The following MYO16 variants were observed in gnomAD, a reference collection of about 807,000 sequenced individuals.
The protein encoded by MYO16 is myosin XVI.
A neutral mutation model predicts 205.3 loss-of-function variants in MYO16; 94 were observed. The observed-to-expected ratio is 0.46, with a 90% CI of 0.39 to 0.54. The LOEUF (loss-of-function observed/expected upper bound fraction) is 0.54. Among genes scored for constraint, MYO16 ranks in the 20% least tolerant of loss-of-function variants. The pLI, the probability that MYO16 is intolerant of heterozygous loss-of-function variation, is 0.00. For missense variants in MYO16, 2,315 were observed against 2,387.5 expected, an observed-to-expected ratio of 0.97 and a Z score of 0.63; for synonymous variants, 988 against 954.0, an observed-to-expected ratio of 1.04 and a Z score of -0.66.
At chr13:109,172,441 T>C (rs1410482234) in intron 33 of MYO16, among the ~76,000 whole-genome samples, 4 of 152,224 alleles carry the variant, frequency 2.6e-5, no homozygotes, top group East Asian at 3.8e-4. Flanking sequence ...TTGGATATTA[T>C]TTAATTACAT....
At chr13:108,864,322 A>C (rs933135649) in intron 11 of MYO16, among the ~76,000 whole-genome samples, 2 of 152,118 alleles carry the variant, frequency 1.3e-5, no homozygotes, top group Non-Finnish European at 2.9e-5. Flanking sequence ...TGCATCCCAC[A>C]AGTTATGATA....
chr13:108,665,359 G>A (rs576802616), intron 1 of MYO16, among the ~76,000 whole-genome samples: 3 of 152,122 alleles, frequency 2.0e-5, no homozygotes, highest in South Asian at 4.2e-4. Context: ...TGATCCTCCT[G>A]TCTCAGCCTC....
At position 109,207,123 on chromosome 13, in the gene MYO16, G is replaced by A. The variant is rs1031029009; in HGVS notation, c.*287G>A. ...GGTAGCAAGAGAGAGGCTGGGAAAAGTGTGGACGTGGCCAGAGCGAGAGAG... is the reference window on the plus strand; with the variant it reads ...GGTAGCAAGAGAGAGGCTGGGAAAAATGTGGACGTGGCCAGAGCGAGAGAG... On this transcript the variant is annotated 3_prime_UTR_variant, in exon 35 of 35. Coordinates refer to ENST00000457511, the MANE Select transcript of MYO16 (RefSeq NM_001198950.3). 1 of 391,488 alleles carries A rather than the reference G, an allele frequency of 2.6e-6. No homozygotes were observed. The highest frequency in any genetic ancestry group is 3.1e-5 in the South Asian group (1 of 31,898). The allele number at this position is 391,488 out of a possible 1,614,324, so 24.3% of individuals were successfully genotyped here.
At chr13:108,874,137 G>A (rs989488546) in intron 12 of MYO16, among the ~76,000 whole-genome samples, 6 of 151,988 alleles carry the variant, frequency 3.9e-5, no homozygotes, top group Non-Finnish European at 8.8e-5. Flanking sequence ...CAATTAAATA[G>A]CTGTATTGAG....
intron 4 of MYO16, among the ~76,000 whole-genome samples, chr13:108,757,143 G>C (rs959322444): frequency 7.2e-5 from 11 of 152,082 alleles, no homozygotes; most frequent in African/African-American, 2.2e-4. Context: ...GAGTGCAAAA[G>C]GCAAATTCTA....
the MYO16 span, among the ~76,000 whole-genome samples, chr13:108,541,675 A>G: frequency 6.6e-6 from 1 of 152,322 alleles, no homozygotes; most frequent in Non-Finnish European, 1.5e-5. Flanking sequence ...TTTATTCAAA[A>G]GAAGACCTAC....
the MYO16 span, among the ~76,000 whole-genome samples, chr13:108,504,725 G>A: frequency 0.13 from 19,204 of 151,194 alleles, 1,368 homozygotes; most frequent in East Asian, 0.23. Context: ...TAGTAGAGAC[G>A]GGGGTTTCAC....
intron 15 of MYO16, among the ~76,000 whole-genome samples, chr13:108,905,071 C>T (rs1469053667): frequency 6.6e-6 from 1 of 152,026 alleles, no homozygotes; most frequent in Non-Finnish European, 1.5e-5. Flanking sequence ...TTCTAATTTA[C>T]TCGCAAGTCA....
chr13:109,194,510 A>G (rs1423096352), intron 34 of MYO16, among the ~76,000 whole-genome samples: 1 of 152,186 alleles, frequency 6.6e-6, no homozygotes, highest in Non-Finnish European at 1.5e-5. Flanking sequence ...TATAAATGAT[A>G]TCATGAAGAT....
In MYO16 at chr13:108,954,140, T is replaced by A. The variant is rs554520887; in HGVS notation, c.1926-3548T>A. Among the ~76,000 whole-genome samples, 24 of 152,328 alleles carry A rather than the reference T, an allele frequency of 1.6e-4. No individual in the cohort carries two copies. The South Asian group carries it at 4.1e-3, about 26-fold the overall frequency. ...GTCATAGCTGCTGTAAATTCTAGGC[T>A]AAAAAGTAAAATAAAATGGAGGATG... On this transcript the variant is annotated intron_variant, in intron 16 of 34. Transcript: ENST00000457511.
intron 10 of MYO16, among the ~76,000 whole-genome samples, chr13:108,853,954 T>TTTGTGTG (rs1555305767): frequency 3.6e-5 from 5 of 138,500 alleles, no homozygotes; most frequent in Non-Finnish European, 7.7e-5. Flanking sequence ...GTTTCTATTA[T>TTTGTGTG]TGTGTGTGTG....
At chr13:109,173,812 T>C (rs1030663266) in intron 33 of MYO16, among the ~76,000 whole-genome samples, 5 of 129,964 alleles carry the variant, frequency 3.8e-5, no homozygotes, top group Non-Finnish European at 6.1e-5. Flanking sequence ...GGAGTGAACC[T>C]GGGAGGCAGA....
rs567673951 is a variant in MYO16 at position 109,172,495 on chromosome 13, T to C, written c.5324-7047T>C. 3.9e-5 allele frequency among the ~76,000 whole-genome samples: 6 copies of C among 152,350 alleles called. No individual in the cohort carries two copies. In the South Asian group the frequency reaches 1.2e-3, roughly 32 times the overall value. ...GAAGTCAGTATTGAAAAGGAATAGATTGAAATGCTCAGTCTGGTATTTCCT... is the reference window on the plus strand; with the variant it reads ...GAAGTCAGTATTGAAAAGGAATAGACTGAAATGCTCAGTCTGGTATTTCCT... On this transcript the variant is annotated intron_variant, in intron 33 of 34. Coordinates refer to ENST00000457511, the MANE Select transcript of MYO16 (RefSeq NM_001198950.3).
At chr13:108,974,839 C>G (rs529407802) in intron 20 of MYO16, among the ~76,000 whole-genome samples, 2 of 152,128 alleles carry the variant, frequency 1.3e-5, no homozygotes, top group East Asian at 3.9e-4. Flanking sequence ...GACAGTAAAC[C>G]AGAACTTTGT....
chr13:108,663,846 C>G (rs1373487743), intron 1 of MYO16, among the ~76,000 whole-genome samples: 1 of 152,004 alleles, frequency 6.6e-6, no homozygotes, highest in Admixed American at 6.6e-5. Context: ...TTTTTTGTGG[C>G]CCTGTTGATC....
chr13:108,609,170 T>C (rs1415515578), intron 1 of MYO16, among the ~76,000 whole-genome samples: 1 of 152,118 alleles, frequency 6.6e-6, no homozygotes, highest in East Asian at 1.9e-4. Flanking sequence ...CCTGGAAGTT[T>C]CCTCCTCATT....
chr13:109,031,624 T>A (rs1056284792), intron 23 of MYO16, among the ~76,000 whole-genome samples: 3 of 152,204 alleles, frequency 2.0e-5, no homozygotes, highest in African/African-American at 7.2e-5. Context: ...AACTTCCAAA[T>A]TATTTTCACA....
chr13:109,150,598 G>A (rs1040361313), intron 32 of MYO16, among the ~76,000 whole-genome samples: 1 of 151,972 alleles, frequency 6.6e-6, no homozygotes, highest in South Asian at 2.1e-4. Flanking sequence ...GCGTAAAGAG[G>A]TTATCATTTT....
chr13:109,075,042 C>T (rs141534382), intron 27 of MYO16, among the ~76,000 whole-genome samples: 9 of 152,216 alleles, frequency 5.9e-5, no homozygotes, highest in Non-Finnish European at 1.3e-4. Context: ...TGTTATAGTC[C>T]GTTCTTTTTT....
Sources: gnomAD v4.1 joint callset for allele counts (sites outside exome capture counted in the v4.1 genomes callset) on GRCh38, gnomAD v4.1.1 for gene constraint, MANE v1.5 for transcripts, NCBI Gene and HGNC (gene_info 2026-07-23, HGNC 2026-07-21) for gene names.